The following NEK11 variants were observed in gnomAD, a reference collection of about 807,000 sequenced individuals.
The protein encoded by NEK11 is serine/threonine-protein kinase Nek11.
Under a neutral mutation model 80.7 loss-of-function variants are expected in NEK11, and 72 were observed. The ratio of observed to expected loss-of-function variants is 0.89; its 90% CI spans 0.74 to 1.08. The LOEUF is 1.08. Among genes scored for constraint, NEK11 ranks in the 50% least tolerant of loss-of-function variants. The pLI, the probability that NEK11 is intolerant of heterozygous loss-of-function variation, is 0.00. For synonymous variants in NEK11, 251 were observed against 260.7 expected, an observed-to-expected ratio of 0.96 and a Z score of 0.36; for missense variants, 764 against 763.6, an observed-to-expected ratio of 1.00 and a Z score of -0.01.
At chr3:131,056,969 G>A (rs1216751271) in intron 3 of NEK11, among the ~76,000 whole-genome samples, 3 of 151,086 alleles carry the variant, frequency 2.0e-5, no homozygotes, top group South Asian at 4.2e-4. Flanking sequence ...CATGTGCCAT[G>A]CTGGTGTGCT....
rs1443638066 is a variant in NEK11, at chr3:131,327,019, G to A, written c.1719-22538G>A. Reference sequence around the variant, plus strand: ...GCAAAAAAGTGCCATCTTGGAAGCAGAGGGAGCAGCTCCCACCAGACAGCA... The same window carrying A: ...GCAAAAAAGTGCCATCTTGGAAGCAAAGGGAGCAGCTCCCACCAGACAGCA... On this transcript the variant is annotated intron_variant, in intron 17 of 17. Transcript: ENST00000383366. Among the ~76,000 whole-genome samples the A allele has an allele frequency of 2.0e-4, 30 of 152,190 alleles. No homozygotes were observed. In the East Asian group the frequency reaches 5.8e-3, roughly 29 times the overall value.
In NEK11 at chr3:131,089,876, G is replaced by T. The variant is rs139868320; in HGVS notation, c.336+9288G>T. On this transcript the variant is annotated intron_variant, in intron 4 of 17. Coordinates refer to ENST00000383366, the MANE Select transcript of NEK11 (RefSeq NM_024800.5). The stretch of plus-strand genomic sequence containing the variant: ...CCACTGGAAGAATGCTTATTTAATG[G>T]AGATATGGTAGGGTGTGAAGGAAGA... 1.7e-3 allele frequency among the ~76,000 whole-genome samples: 255 copies of T among 152,320 alleles called. 1 individual carries two copies. Among genetic ancestry groups the T allele is most frequent in the Non-Finnish European group, 2.8e-3 (192 of 68,026 alleles).
intron 15 of NEK11, among the ~76,000 whole-genome samples, chr3:131,242,697 C>T (rs531769815): frequency 3.9e-5 from 6 of 152,236 alleles, no homozygotes; most frequent in South Asian, 2.1e-4. Context: ...GGATTACAGG[C>T]GTGAGCCACT....
intron 17 of NEK11, among the ~76,000 whole-genome samples, chr3:131,309,987 TAAAAAAAA>T (rs558210123): frequency 0.052 from 1,208 of 23,240 alleles, 47 homozygotes; most frequent in African/African-American, 0.16. Context: ...AGACCATGTT[TAAAAAAAA>T]AAAAAAAAAA....
In NEK11 at chr3:131,205,423, T is replaced by C. The variant is rs79174231; in HGVS notation, c.1400-23105T>C. Among the ~76,000 whole-genome samples the C allele has an allele frequency of 4.9e-3, 740 of 152,216 alleles. 11 individuals carry two copies. The highest frequency in any genetic ancestry group is 0.017 in the African/African-American group (696 of 41,514). On this transcript the variant is annotated intron_variant, in intron 14 of 17. Coordinates refer to ENST00000383366, the MANE Select transcript of NEK11 (RefSeq NM_024800.5). ...AGAGCTGGAGAAAGCAGAATAGGAA[T>C]CAAGTGTCAGGAAAAAAGGCTCCAG...
chr3:131,081,720 G>A (rs934359340), intron 4 of NEK11, among the ~76,000 whole-genome samples: 1 of 152,182 alleles, frequency 6.6e-6, no homozygotes, highest in African/African-American at 2.4e-5. Context: ...TGTTGCTGGA[G>A]CCCAAAAGAC....
At chr3:131,277,170 T>C (rs2096307199) in intron 17 of NEK11, among the ~76,000 whole-genome samples, 1 of 152,240 alleles carries the variant, frequency 6.6e-6, no homozygotes, top group African/African-American at 2.4e-5. Flanking sequence ...CAGAGTAGTA[T>C]AATTTTTCTG....
chr3:131,307,198 A>G (rs1268109670), intron 17 of NEK11, among the ~76,000 whole-genome samples: 1 of 152,166 alleles, frequency 6.6e-6, no homozygotes, highest in Non-Finnish European at 1.5e-5. Context: ...TAGCCTCCCA[A>G]GTTATATCAA....
intron 16 of NEK11, among the ~76,000 whole-genome samples, chr3:131,261,934 A>G (rs187074902): frequency 6.6e-6 from 1 of 152,310 alleles, no homozygotes; most frequent in Non-Finnish European, 1.5e-5. Context: ...AAGGGAGAAA[A>G]TTACAAAAAT....
At chr3:131,336,479 A>G (rs1329557921) in intron 17 of NEK11, among the ~76,000 whole-genome samples, 2 of 152,356 alleles carry the variant, frequency 1.3e-5, no homozygotes, top group Middle Eastern at 3.4e-3. Flanking sequence ...AAGATGGTTT[A>G]AAGACTTAAA....
intron 14 of NEK11, among the ~76,000 whole-genome samples, chr3:131,207,399 C>T (rs544065156): frequency 5.9e-5 from 9 of 152,152 alleles, no homozygotes; most frequent in East Asian, 1.9e-4. Flanking sequence ...CTGGCTAACA[C>T]GGTGAAACGC....
chr3:131,217,279 C>CA (rs919105226), intron 14 of NEK11, among the ~76,000 whole-genome samples: 44 of 152,156 alleles, frequency 2.9e-4, no homozygotes, highest in African/African-American at 1.0e-3. Flanking sequence ...TCAGAAGAGT[C>CA]AGTTTTTTTT....
intron 16 of NEK11, among the ~76,000 whole-genome samples, chr3:131,256,928 C>T (rs1369455189): frequency 1.3e-5 from 2 of 152,078 alleles, no homozygotes; most frequent in South Asian, 2.1e-4. Context: ...CTGGATGTGG[C>T]TGATGTTCCT....
At chr3:131,155,812 C>T (rs1579232435) in intron 10 of NEK11, among the ~76,000 whole-genome samples, 2 of 152,300 alleles carry the variant, frequency 1.3e-5, no homozygotes, top group South Asian at 2.1e-4. Context: ...CACAAATATA[C>T]TCCTCCAACA....
intron 17 of NEK11, among the ~76,000 whole-genome samples, chr3:131,334,608 A>G (rs1439248059): frequency 6.6e-6 from 1 of 151,706 alleles, no homozygotes; most frequent in African/African-American, 2.4e-5. Flanking sequence ...GGCAAGAAAT[A>G]ACTAAAATCA....
chr3:131,224,289 A>G (rs1434724776), intron 14 of NEK11, among the ~76,000 whole-genome samples: 1 of 151,938 alleles, frequency 6.6e-6, no homozygotes, highest in Non-Finnish European at 1.5e-5. Flanking sequence ...GTGCAGTGGC[A>G]CGATCTCGGC....
chr3:131,187,994 C>T (rs576304004), intron 14 of NEK11, among the ~76,000 whole-genome samples: 2 of 152,182 alleles, frequency 1.3e-5, no homozygotes, highest in East Asian at 1.9e-4. Flanking sequence ...AAATAGCTAA[C>T]AGTCATTAGT....
At chr3:131,238,259 T>C (rs2095465795) in intron 15 of NEK11, among the ~76,000 whole-genome samples, 1 of 152,226 alleles carries the variant, frequency 6.6e-6, no homozygotes, top group South Asian at 2.1e-4. Context: ...TTTTCTTCCA[T>C]AGTCTTTATT....
chr3:131,251,296 A>G (rs2095698600), intron 16 of NEK11, among the ~76,000 whole-genome samples: 1 of 151,896 alleles, frequency 6.6e-6, no homozygotes. Context: ...TTTTAACATT[A>G]AAAGCTTTGA....
Sources: gnomAD v4.1 joint callset for allele counts (sites outside exome capture counted in the v4.1 genomes callset) on GRCh38, gnomAD v4.1.1 for gene constraint, MANE v1.5 for transcripts, NCBI Gene and HGNC (gene_info 2026-07-23, HGNC 2026-07-21) for gene names.